TASP1: variants seen among roughly 807,000 people sequenced by gnomAD.
TASP1 encodes the protein threonine aspartase 1.
In TASP1, 16 loss-of-function variants were observed where a neutral mutation model predicts 56.6. The ratio of observed to expected loss-of-function variants is 0.28; its 90% confidence interval spans 0.19 to 0.43. The LOEUF is 0.43. Among genes scored for constraint, TASP1 ranks in the 20% least tolerant of loss-of-function variants. The probability of loss-of-function intolerance (pLI) is 1.00; values close to 1 mark genes in which losing one functional copy is unlikely to be tolerated. For synonymous variants in TASP1, 179 were observed against 184.2 expected (o/e 0.97, Z 0.23); for missense variants, 393 against 511.6 (o/e 0.77, Z 2.24).
the TASP1 span, among the ~76,000 whole-genome samples, chr20:13,128,585 A>G: frequency 6.6e-6 from 1 of 152,224 alleles, no homozygotes; most frequent in Non-Finnish European, 1.5e-5. Flanking sequence ...AAAACTAGTC[A>G]TATGGCCACA....
intron 13 of TASP1, chr20:13,393,678 C>T (rs1165613690): frequency 1.6e-6 from 2 of 1,271,308 alleles, no homozygotes; most frequent in Non-Finnish European, 2.2e-6. Flanking sequence ...GGAATAAGAC[C>T]CCTGGACCAC....
the TASP1 span, chr20:13,117,825 C>A: frequency 1.8e-6 from 2 of 1,116,734 alleles, no homozygotes; most frequent in Non-Finnish European, 2.5e-6. Flanking sequence ...ATTCAGTTCA[C>A]CACACCTCAG....
the TASP1 span, among the ~76,000 whole-genome samples, chr20:13,155,288 A>C: frequency 6.6e-6 from 1 of 152,148 alleles, no homozygotes. Context: ...CATACTACGC[A>C]TCAGATTCTA....
chr20:13,318,905 C>T, the TASP1 span, among the ~76,000 whole-genome samples: 1 of 152,180 alleles, frequency 6.6e-6, no homozygotes, highest in East Asian at 1.9e-4. Context: ...GCACAGAACA[C>T]TTTCAGGACA....
At chr20:13,108,948 T>C in the TASP1 span, among the ~76,000 whole-genome samples, 1 of 152,202 alleles carries the variant, frequency 6.6e-6, no homozygotes, top group Non-Finnish European at 1.5e-5. Context: ...CCTAAGTATT[T>C]CAGTTTCATC....
At chr20:13,420,146 A>T (rs1291626408) in intron 12 of TASP1, among the ~76,000 whole-genome samples, 2 of 152,232 alleles carry the variant, frequency 1.3e-5, no homozygotes, top group Admixed American at 1.3e-4. Context: ...AAATATAGCC[A>T]ATATGACCAT....
intron 13 of TASP1, among the ~76,000 whole-genome samples, chr20:13,414,637 G>A (rs1408346623): frequency 6.6e-6 from 1 of 152,134 alleles, no homozygotes; most frequent in African/African-American, 2.4e-5. Context: ...CATGCACACT[G>A]GGTGTTTATT....
chr20:13,398,400 G>A (rs955605366), intron 13 of TASP1, among the ~76,000 whole-genome samples: 4 of 151,660 alleles, frequency 2.6e-5, no homozygotes, highest in South Asian at 4.2e-4. Flanking sequence ...GGGGCAGTGC[G>A]GGAGCATGGG....
At chr20:13,629,150 G>T (rs915888696) in intron 2 of TASP1, among the ~76,000 whole-genome samples, 1 of 152,094 alleles carries the variant, frequency 6.6e-6, no homozygotes, top group Non-Finnish European at 1.5e-5. Context: ...TGGATCACCC[G>T]AGGTCAGGAG....
At chr20:13,234,123 T>C in the TASP1 span, among the ~76,000 whole-genome samples, 1 of 152,204 alleles carries the variant, frequency 6.6e-6, no homozygotes, top group African/African-American at 2.4e-5. Context: ...CCCCTCCACC[T>C]CCCACCTTTT....
intron 2 of TASP1, among the ~76,000 whole-genome samples, chr20:13,627,365 A>G (rs2147562495): frequency 6.6e-6 from 1 of 152,282 alleles, no homozygotes; most frequent in South Asian, 2.1e-4. Flanking sequence ...AATTCACACA[A>G]TATCCTATCA....
At chr20:13,451,598 C>T (rs2043620651) in intron 11 of TASP1, among the ~76,000 whole-genome samples, 1 of 152,090 alleles carries the variant, frequency 6.6e-6, no homozygotes, top group South Asian at 2.1e-4. Context: ...TCTGCAGCTT[C>T]CTCACCTCTC....
At chr20:13,438,324 A>C (rs1398916625) in intron 11 of TASP1, among the ~76,000 whole-genome samples, 1 of 152,224 alleles carries the variant, frequency 6.6e-6, no homozygotes, top group Non-Finnish European at 1.5e-5. Flanking sequence ...CCAATGGAAC[A>C]GAACAGAGCC....
chr20:13,386,811 T>C (rs117978818), downstream of TASP1, among the ~76,000 whole-genome samples: 663 of 152,310 alleles, frequency 4.4e-3, 1 homozygote, highest in Middle Eastern at 6.8e-3. Flanking sequence ...ATACATACTT[T>C]GTAAAAAAAA....
chr20:13,557,018 T>G (rs938083102), intron 8 of TASP1, among the ~76,000 whole-genome samples: 5 of 152,218 alleles, frequency 3.3e-5, no homozygotes, highest in Admixed American at 3.3e-4. Flanking sequence ...ATTTTCTTAC[T>G]ACCCAGTTCA....
At chr20:13,586,875 T>G (rs1169516792) in intron 5 of TASP1, among the ~76,000 whole-genome samples, 1 of 152,134 alleles carries the variant, frequency 6.6e-6, no homozygotes, top group African/African-American at 2.4e-5. Flanking sequence ...CACTGGATTT[T>G]TACTGGTTAA....
the TASP1 span, among the ~76,000 whole-genome samples, chr20:13,181,318 C>T: frequency 3.3e-5 from 5 of 152,210 alleles, no homozygotes; most frequent in Admixed American, 1.3e-4. Flanking sequence ...GAACCCTTTA[C>T]GGCAGTCTTT....
At chr20:13,115,249 A>C in the TASP1 span, among the ~76,000 whole-genome samples, 1 of 152,212 alleles carries the variant, frequency 6.6e-6, no homozygotes, top group Non-Finnish European at 1.5e-5. Flanking sequence ...CACATTGTGA[A>C]AATGAAAACT....
Position 13,469,430 on chromosome 20 carries a change from T to C in TASP1, c.985+13797A>G, listed in dbSNP as rs79628992. Among the ~76,000 whole-genome samples, 773 of 152,320 alleles carry C rather than the reference T, an allele frequency of 5.1e-3. 4 individuals carry two copies. The highest frequency in any genetic ancestry group is 0.012 in the East Asian group (60 of 5,192). The stretch of plus-strand genomic sequence containing the variant: ...TGAGAGCCCAAAATCCAAGAAGTTA[T>C]TCTCTTGCTGCCAGCTACCCATTTC... On this transcript the variant is annotated intron_variant, in intron 11 of 13. Coordinates refer to ENST00000337743, the MANE Select transcript of TASP1 (RefSeq NM_017714.3).
Sources: allele counts gnomAD v4.1 joint callset (sites outside exome capture counted in the v4.1 genomes callset), GRCh38; gene constraint gnomAD v4.1.1; transcripts MANE v1.5; gene names NCBI Gene and HGNC (gene_info 2026-07-23, HGNC 2026-07-21).